KIF26B: variants seen among roughly 807,000 people sequenced by gnomAD.
The protein encoded by KIF26B is kinesin family member 26B.
KIF26B carries 63 observed loss-of-function variants against 151.2 expected under a neutral mutation model. The ratio of observed to expected loss-of-function variants is 0.42; its 90% confidence interval spans 0.34 to 0.51. The LOEUF is 0.51. Among genes scored for constraint, KIF26B ranks in the 20% least tolerant of loss-of-function variants. The pLI is 0.07. For missense variants in KIF26B, 2,813 were observed against 2,913.6 expected (o/e 0.97, Z 0.79); for synonymous variants, 1,357 against 1,262.1 (o/e 1.08, Z -1.59).
At chr1:245,566,974 C>G (rs1390562593) in intron 5 of KIF26B, among the ~76,000 whole-genome samples, 1 of 152,032 alleles carries the variant, frequency 6.6e-6, no homozygotes, top group Admixed American at 6.6e-5. Flanking sequence ...AAATTCCTTT[C>G]TGTAGCCACT....
At chr1:245,335,894 C>A (rs566388067) in intron 2 of KIF26B, among the ~76,000 whole-genome samples, 1 of 138,582 alleles carries the variant, frequency 7.2e-6, no homozygotes, top group Non-Finnish European at 1.5e-5. Flanking sequence ...GGGTCCCACG[C>A]AGGGAAAGAA....
intron 3 of KIF26B, among the ~76,000 whole-genome samples, chr1:245,378,544 G>C (rs1673329033): frequency 6.6e-6 from 1 of 152,116 alleles, no homozygotes; most frequent in South Asian, 2.1e-4. Flanking sequence ...GTCTCACTCA[G>C]CCACCCTCCC....
At chr1:245,670,552 G>A (rs1416090395) in intron 10 of KIF26B, among the ~76,000 whole-genome samples, 1 of 151,362 alleles carries the variant, frequency 6.6e-6, no homozygotes, top group Non-Finnish European at 1.5e-5. Flanking sequence ...ATTGAAAGCA[G>A]GAAATGAAAC....
At chr1:245,441,060 G>C (rs575576903) in intron 4 of KIF26B, among the ~76,000 whole-genome samples, 1 of 152,284 alleles carries the variant, frequency 6.6e-6, no homozygotes, top group African/African-American at 2.4e-5. Context: ...GACAGGTGAC[G>C]GCCTGGCGTT....
chr1:245,469,249 C>A (rs1443264806), intron 4 of KIF26B, among the ~76,000 whole-genome samples: 1 of 152,038 alleles, frequency 6.6e-6, no homozygotes, highest in Non-Finnish European at 1.5e-5. Flanking sequence ...GGGAGAATGT[C>A]ATGCACTCCT....
At chr1:245,237,486 G>T (rs1184945917) in intron 2 of KIF26B, among the ~76,000 whole-genome samples, 1 of 152,122 alleles carries the variant, frequency 6.6e-6, no homozygotes, top group Non-Finnish European at 1.5e-5. Context: ...TCACCCAGCC[G>T]TGGTAAGGCC....
chr1:245,298,869 C>T (rs555844298), intron 2 of KIF26B, among the ~76,000 whole-genome samples: 60 of 152,274 alleles, frequency 3.9e-4, no homozygotes, highest in African/African-American at 1.3e-3. Flanking sequence ...GCTAGCATTC[C>T]GAACAATTCT....
chr1:245,630,966 A>T (rs1004800912), intron 9 of KIF26B, among the ~76,000 whole-genome samples: 1 of 152,152 alleles, frequency 6.6e-6, no homozygotes, highest in African/African-American at 2.4e-5. Context: ...TGGTGTGTAG[A>T]AACACTACTG....
intron 3 of KIF26B, among the ~76,000 whole-genome samples, chr1:245,407,411 C>G (rs963606411): frequency 5.9e-5 from 9 of 152,190 alleles, no homozygotes; most frequent in Non-Finnish European, 1.3e-4. Context: ...CGCTTCCCAT[C>G]TCTTTGTGTA....
At chr1:245,155,561 C>T (rs1400321589) in intron 1 of KIF26B, 74 bp downstream of exon 1, 2 of 1,325,974 alleles carry the variant, frequency 1.5e-6, no homozygotes, top group Non-Finnish European at 2.1e-6. Context: ...TCCCCGGGAT[C>T]GTGCGGCCCC....
intron 3 of KIF26B, among the ~76,000 whole-genome samples, chr1:245,398,892 T>C (rs1162558729): frequency 6.6e-6 from 1 of 152,100 alleles, no homozygotes; most frequent in Non-Finnish European, 1.5e-5. Context: ...AATTAACTAT[T>C]TTTTCTGGAC....
At chr1:245,324,444 A>G (rs932194460) in intron 2 of KIF26B, among the ~76,000 whole-genome samples, 1 of 152,216 alleles carries the variant, frequency 6.6e-6, no homozygotes, top group African/African-American at 2.4e-5. Flanking sequence ...CAAAATGTTT[A>G]CTATGAAATT....
chr1:245,439,776 T>G (rs1360722151), intron 4 of KIF26B, among the ~76,000 whole-genome samples: 1 of 152,218 alleles, frequency 6.6e-6, no homozygotes, highest in Non-Finnish European at 1.5e-5. Flanking sequence ...ATGTAAGGAC[T>G]TTGTTGCCAG....
chr1:245,529,203 G>A (rs1340468117), intron 4 of KIF26B, among the ~76,000 whole-genome samples: 8 of 152,136 alleles, frequency 5.3e-5, no homozygotes, highest in Non-Finnish European at 1.5e-5. Flanking sequence ...GAGGTGAGCC[G>A]AGACTGTGGG....
intron 10 of KIF26B, among the ~76,000 whole-genome samples, chr1:245,671,016 C>T (rs916312365): frequency 1.3e-5 from 2 of 152,184 alleles, no homozygotes; most frequent in Admixed American, 6.5e-5. Context: ...TTCCCAGCCT[C>T]TGGTAACCAT....
At chr1:245,406,494 G>A (rs1157022435) in intron 3 of KIF26B, among the ~76,000 whole-genome samples, 1 of 152,186 alleles carries the variant, frequency 6.6e-6, no homozygotes, top group East Asian at 1.9e-4. Context: ...ACATGGAGGT[G>A]ACGTAGGCCC....
At position 245,156,527 on chromosome 1, in the gene KIF26B, T is replaced by G; in HGVS notation, c.309T>G (p.Ser103=). The G allele has an allele frequency of 6.5e-7, 1 of 1,534,192 alleles. No homozygotes were observed. Among genetic ancestry groups the G allele is most frequent in the South Asian group, 1.2e-5 (1 of 84,118 alleles). Residue 103 remains serine, a synonymous_variant, in exon 2 of 15, where the codon TCT becomes TCG. Coordinates refer to ENST00000407071, the MANE Select transcript of KIF26B (RefSeq NM_018012.4). ...GTTCGCCGGGCTCCTTGGGCGGCTC[T>G]CCGGGCTTCGGCACAGGCTCCCCGG... ...GTSSPGSLGG[S]PGFGTGSPGS... is the part of the protein sequence containing the mutation.
intron 5 of KIF26B, among the ~76,000 whole-genome samples, chr1:245,575,568 G>A (rs923070174): frequency 6.6e-6 from 1 of 152,034 alleles, no homozygotes; most frequent in Non-Finnish European, 1.5e-5. Context: ...ATTTTCCTTC[G>A]ATATTCCAAC....
chr1:245,571,223 C>T (rs897592868), intron 5 of KIF26B, among the ~76,000 whole-genome samples: 3 of 152,194 alleles, frequency 2.0e-5, no homozygotes, highest in Non-Finnish European at 2.9e-5. Context: ...ATGGGAGTTG[C>T]GTTGCTTGAT....
Sources: gnomAD v4.1 joint callset for allele counts (sites outside exome capture counted in the v4.1 genomes callset) on GRCh38, gnomAD v4.1.1 for gene constraint, MANE v1.5 for transcripts, NCBI Gene and HGNC (gene_info 2026-07-23, HGNC 2026-07-21) for gene names.